TBC1D30: variants seen among roughly 807,000 people sequenced by gnomAD.
TBC1D30 encodes TBC1 domain family member 30.
In TBC1D30, 31 loss-of-function variants were observed where a neutral mutation model predicts 63.2. That is an observed-to-expected ratio of 0.49 (90% CI 0.37 to 0.66). The LOEUF is 0.66. Ranked by LOEUF, TBC1D30 falls within the 30% of genes least tolerant of loss-of-function variation. The probability of loss-of-function intolerance (pLI) is 0.00; values close to 1 mark genes in which losing one functional copy is unlikely to be tolerated. For synonymous variants in TBC1D30, 307 were observed against 361.5 expected (o/e 0.85, Z 1.71); for missense variants, 810 against 953.6 (o/e 0.85, Z 1.98).
intron 11 of TBC1D30, among the ~76,000 whole-genome samples, chr12:64,874,483 G>A (rs1453929239): frequency 1.3e-5 from 2 of 152,184 alleles, no homozygotes; most frequent in Non-Finnish European, 2.9e-5. Context: ...CTAGATGCTG[G>A]ATAGCTGTGA....
intron 2 of TBC1D30, among the ~76,000 whole-genome samples, chr12:64,797,028 CAAAAAAAAAAAAAAAA>C (rs552416081): frequency 6.7e-5 from 5 of 75,136 alleles, no homozygotes; most frequent in Non-Finnish European, 7.2e-5. Flanking sequence ...TTCTCCTCTG[CAAAAAAAAAAAAAAAA>C]AAAAAAAAAG....
upstream of TBC1D30, among the ~76,000 whole-genome samples, chr12:64,822,303 C>T (rs188045779): frequency 1.6e-3 from 240 of 152,060 alleles, no homozygotes; most frequent in Non-Finnish European, 2.8e-3. Context: ...GCCTCAGCCT[C>T]TCAAGTAGCT....
chr12:64,831,148 G>A (rs1159123525), intron 4 of TBC1D30, among the ~76,000 whole-genome samples: 1 of 152,138 alleles, frequency 6.6e-6, no homozygotes, highest in African/African-American at 2.4e-5. Context: ...GGTTTTAAAA[G>A]GAAAGTTGTT....
chr12:64,858,583 T>C (rs1385215573), intron 8 of TBC1D30, among the ~76,000 whole-genome samples: 1 of 152,186 alleles, frequency 6.6e-6, no homozygotes, highest in East Asian at 1.9e-4. Context: ...GGGCCTGGAA[T>C]AGGGGCCCAG....
chr12:64,827,922 T>A, intron 2 of TBC1D30, 26 bp downstream of exon 2: 3 of 1,493,990 alleles, frequency 2.0e-6, no homozygotes, highest in South Asian at 2.4e-5. Flanking sequence ...AAAACACTCT[T>A]CTTTTGGGGT....
intron 2 of TBC1D30, among the ~76,000 whole-genome samples, chr12:64,808,255 T>C (rs1266657064): frequency 6.6e-6 from 1 of 152,208 alleles, no homozygotes; most frequent in Non-Finnish European, 1.5e-5. Flanking sequence ...GTAGTACTTC[T>C]ATTTTTAGGA....
At chr12:64,788,192 GGTGTGTGT>G (rs61697442) in intron 2 of TBC1D30, among the ~76,000 whole-genome samples, 180 of 145,142 alleles carry the variant, frequency 1.2e-3, no homozygotes, top group Non-Finnish European at 2.0e-3. Context: ...GGTGTGTAGG[GGTGTGTGT>G]GTGTGTGTGT....
exon 1 of TBC1D30, among the ~76,000 whole-genome samples, chr12:64,780,552 G>A (rs540383559): frequency 6.6e-6 from 1 of 152,362 alleles, no homozygotes; most frequent in South Asian, 2.1e-4. Context: ...GCTCTGGGTA[G>A]AGGCCGGGCC....
At chr12:64,799,202 C>G (rs1229098109) in intron 2 of TBC1D30, among the ~76,000 whole-genome samples, 1 of 152,066 alleles carries the variant, frequency 6.6e-6, no homozygotes, top group Non-Finnish European at 1.5e-5. Flanking sequence ...AGAACATGGA[C>G]TCTGGAGCCA....
upstream of TBC1D30, among the ~76,000 whole-genome samples, chr12:64,778,696 T>C (rs2136286144): frequency 6.6e-6 from 1 of 152,102 alleles, no homozygotes; most frequent in East Asian, 1.9e-4. Flanking sequence ...CAGCTAATTT[T>C]TGTATTTTTA....
intron 11 of TBC1D30, among the ~76,000 whole-genome samples, chr12:64,873,225 C>T (rs1878790620): frequency 6.6e-6 from 1 of 151,988 alleles, no homozygotes; most frequent in Admixed American, 6.6e-5. Flanking sequence ...GATCTGATAG[C>T]TTTTGTTTTC....
At chr12:64,831,618 T>G (rs1179617002) in intron 4 of TBC1D30, among the ~76,000 whole-genome samples, 1 of 152,224 alleles carries the variant, frequency 6.6e-6, no homozygotes, top group Non-Finnish European at 1.5e-5. Flanking sequence ...ATTCATAAAA[T>G]AATTTGAATA....
At chr12:64,762,796 G>T (rs1199174103) in intron 1 of TBC1D30, among the ~76,000 whole-genome samples, 1 of 151,984 alleles carries the variant, frequency 6.6e-6, no homozygotes, top group Admixed American at 6.6e-5. Flanking sequence ...AGATAATTTA[G>T]TTTTTTCTCT....
upstream of TBC1D30, among the ~76,000 whole-genome samples, chr12:64,822,618 C>G (rs1873954578): frequency 6.6e-6 from 1 of 151,918 alleles, no homozygotes; most frequent in Non-Finnish European, 1.5e-5. Context: ...CCCACCTCAG[C>G]CTCCTGAGTA....
At chr12:64,772,524 G>A (rs763477146) in intron 1 of TBC1D30, among the ~76,000 whole-genome samples, 6 of 152,042 alleles carry the variant, frequency 3.9e-5, no homozygotes, top group East Asian at 2.0e-4. Flanking sequence ...CCGCCTCCCC[G>A]GTTCAAGCAA....
chr12:64,841,289 A>C (rs982564779), intron 7 of TBC1D30, among the ~76,000 whole-genome samples: 1 of 152,098 alleles, frequency 6.6e-6, no homozygotes, highest in South Asian at 2.1e-4. Context: ...CGCTCACCCC[A>C]AGGGTACTTG....
chr12:64,781,583 A>C (rs976933222), intron 1 of TBC1D30, among the ~76,000 whole-genome samples: 3 of 152,044 alleles, frequency 2.0e-5, no homozygotes, highest in African/African-American at 7.2e-5. Flanking sequence ...CCCAGATTCT[A>C]ATTTCACCTG....
intron 2 of TBC1D30, among the ~76,000 whole-genome samples, chr12:64,804,183 A>C (rs1421849284): frequency 6.6e-6 from 1 of 152,162 alleles, no homozygotes; most frequent in Non-Finnish European, 1.5e-5. Flanking sequence ...AGTGGTTTAT[A>C]GTTATCCTTG....
At chr12:64,858,526 G>T (rs1877504875) in intron 8 of TBC1D30, among the ~76,000 whole-genome samples, 1 of 152,136 alleles carries the variant, frequency 6.6e-6, no homozygotes, top group African/African-American at 2.4e-5. Context: ...AGGCAGTGGG[G>T]TTCCCTTTTG....
Sources: allele counts gnomAD v4.1 joint callset (sites outside exome capture counted in the v4.1 genomes callset), GRCh38; gene constraint gnomAD v4.1.1; transcripts MANE v1.5; gene names NCBI Gene and HGNC (gene_info 2026-07-23, HGNC 2026-07-21).